Variants in EHHADH observed in about 807,000 individuals in gnomAD.
EHHADH encodes enoyl-CoA hydratase and 3-hydroxyacyl CoA dehydrogenase, also known as peroxisomal bifunctional enzyme.
In EHHADH, 48 loss-of-function variants were observed where a neutral mutation model predicts 64.4. That is an observed-to-expected ratio of 0.75 (90% CI 0.59 to 0.95). The LOEUF (loss-of-function observed/expected upper bound fraction) is 0.95, where lower values mean the gene tolerates loss of function less well. Among genes scored for constraint, EHHADH ranks in the 40% least tolerant of loss-of-function variants. The probability of loss-of-function intolerance (pLI) is 0.00; values close to 1 mark genes in which losing one functional copy is unlikely to be tolerated. For missense variants in EHHADH, 854 were observed against 876.6 expected (o/e 0.97, Z 0.33); for synonymous variants, 308 against 326.7 (o/e 0.94, Z 0.62).
intron 6 of EHHADH, among the ~76,000 whole-genome samples, chr3:185,203,387 AAAAAG>A (rs1718285233): frequency 6.6e-6 from 1 of 152,164 alleles, no homozygotes; most frequent in African/African-American, 2.4e-5. Context: ...AATATAAGAA[AAAAAG>A]AAAAGAAAGA....
intron 5 of EHHADH, among the ~76,000 whole-genome samples, chr3:185,217,002 A>T (rs1718696463): frequency 1.5e-5 from 2 of 135,874 alleles, no homozygotes; most frequent in South Asian, 4.8e-4. Flanking sequence ...TGAGAGAAGG[A>T]CATAACTCAG....
chr3:185,197,210 G>A (rs1718086582), intron 6 of EHHADH, among the ~76,000 whole-genome samples: 1 of 152,060 alleles, frequency 6.6e-6, no homozygotes. Flanking sequence ...ATGTGACAAT[G>A]GTTGCATAAA....
In EHHADH at chr3:185,192,588, T is replaced by A. The variant is rs1218977685; in HGVS notation, c.1810A>T (p.Arg604Ter). The change falls in exon 7 of 7, where the codon AGA becomes TGA. Residue 604 changes from arginine to a stop codon, truncating the protein, a stop_gained. Coordinates refer to ENST00000231887, the MANE Select transcript of EHHADH (RefSeq NM_001966.4). LOFTEE classifies it high-confidence loss of function. ...CGTGGTTCAATGTGATGGGTTTTTC[T>A]ATACCGTGATAGGAATTTGGAAAGC... ...PWLSKFLSRY[R>*]KTHHIEPRTI... 1.9e-6 allele frequency: 3 copies of A among 1,614,246 alleles called. No homozygotes were observed. In the African/African-American group the frequency reaches 4.0e-5, roughly 22 times the overall value.
chr3:185,199,399 G>T (rs1229405853), intron 6 of EHHADH, among the ~76,000 whole-genome samples: 1 of 152,172 alleles, frequency 6.6e-6, no homozygotes. Context: ...GTGATTGGGG[G>T]AAATGTGGGT....
At chr3:185,252,158 T>C (rs184053193) in intron 1 of EHHADH, among the ~76,000 whole-genome samples, 2 of 152,220 alleles carry the variant, frequency 1.3e-5, no homozygotes, top group East Asian at 3.9e-4. Context: ...TCCCAGCACT[T>C]TGGGAGGCCG....
intron 5 of EHHADH, among the ~76,000 whole-genome samples, chr3:185,207,288 A>C (rs546278773): frequency 1.9e-4 from 22 of 114,634 alleles, no homozygotes; most frequent in African/African-American, 8.0e-4. Flanking sequence ...ACCCCATTTC[A>C]AAAAAAAAAA....
chr3:185,193,034 G>T lies in EHHADH; in HGVS notation c.1364C>A (p.Thr455Asn), dbSNP rs756077792. 1 of 1,614,214 alleles carries T rather than the reference G, an allele frequency of 6.2e-7. No homozygotes were observed. The highest frequency in any genetic ancestry group is 8.5e-7 in the Non-Finnish European group (1 of 1,180,052). The stretch of plus-strand genomic sequence containing the variant: ...TGATAAGTTCATAACAGTGGCAATG[G>T]TAGTGGGGGAAGAGTATTGGCTGGG... Reference protein sequence around the residue: ...VIPSQYSSPTTIATVMNLSKK... With the variant: ...VIPSQYSSPTNIATVMNLSKK... Residue 455 changes from threonine to asparagine, a missense_variant, in exon 7 of 7, where the codon ACC becomes AAC. Transcript: ENST00000231887.
rs144429218 is a variant in EHHADH, at chr3:185,218,057, G to A, written c.568+79C>T. On this transcript the variant is annotated intron_variant, in intron 5 of 6. Coordinates refer to ENST00000231887, the MANE Select transcript of EHHADH (RefSeq NM_001966.4). ...TGGGATTACAGGCGTGAGCCACTGCGCCCGGCCAGGAGTTTCTTATTTAAA... is the reference window on the plus strand; with the variant it reads ...TGGGATTACAGGCGTGAGCCACTGCACCCGGCCAGGAGTTTCTTATTTAAA... 139 of 1,058,378 alleles carry A rather than the reference G, an allele frequency of 1.3e-4. 1 individual carries two copies. The highest frequency in any genetic ancestry group is 1.8e-4 in the Non-Finnish European group (132 of 734,462). The allele number at this position is 1,058,378 out of a possible 1,614,324, so 65.6% of individuals were successfully genotyped here. A position where few individuals can be genotyped will look rare whatever the true frequency, so the allele number is the denominator to read the frequency against.
rs1233077390 is a variant in EHHADH at position 185,246,584 on chromosome 3, A to C, written c.178+1830T>G. 5 of 203,016 alleles carry C rather than the reference A, an allele frequency of 2.5e-5. No homozygotes were observed. In the East Asian group the frequency reaches 7.3e-4, roughly 30 times the overall value. The allele number at this position is 203,016 out of a possible 1,614,324, so 12.6% of individuals were successfully genotyped here. A position where few individuals can be genotyped will look rare whatever the true frequency, so the allele number is the denominator to read the frequency against. On this transcript the variant is annotated intron_variant, in intron 2 of 6. Transcript: ENST00000231887. ...AGCCAAAGGGCCATTATCTTTCTTA[A>C]AGGCTACAGTATCTGCAATGATATC... is the stretch of plus-strand genomic sequence containing the variant.
At position 185,193,254 on chromosome 3, in the gene EHHADH, C is replaced by T. The variant is rs369476227; in HGVS notation, c.1144G>A (p.Val382Ile). Residue 382 changes from valine to isoleucine, a missense_variant, in exon 7 of 7, where the codon GTA becomes ATA. Val to Ile is a conservative substitution (Grantham distance 29). Coordinates refer to ENST00000231887, the MANE Select transcript of EHHADH (RefSeq NM_001966.4). ...TTCTTCAGGCTCATTTCCTCAAATA[C>T]TGCTTCAATGACTAAATCTACACCA... ...LGGVDLVIEAVFEEMSLKKQV... is the reference protein window; with the variant it reads ...LGGVDLVIEAIFEEMSLKKQV... The T allele has an allele frequency of 1.9e-6, 3 of 1,601,504 alleles. No homozygotes were observed. The highest frequency in any genetic ancestry group is 2.7e-5 in the African/African-American group (2 of 74,428).
chr3:185,196,322 T>C (rs892419702), intron 6 of EHHADH, among the ~76,000 whole-genome samples: 3 of 152,146 alleles, frequency 2.0e-5, no homozygotes, highest in African/African-American at 7.2e-5. Context: ...AGCCAAAAAA[T>C]AGAAGCAATT....
chr3:185,206,318 C>T (rs763044052), intron 5 of EHHADH, among the ~76,000 whole-genome samples: 1 of 151,232 alleles, frequency 6.6e-6, no homozygotes, highest in Non-Finnish European at 1.5e-5. Flanking sequence ...TTACCTAGCA[C>T]CATATATAAA....
chr3:185,251,633 TG>T (rs1468339476), intron 1 of EHHADH, among the ~76,000 whole-genome samples: 2 of 151,876 alleles, frequency 1.3e-5, no homozygotes, highest in East Asian at 3.9e-4. Context: ...TGTGTGTGTG[TG>T]TGTGTATTAC....
intron 6 of EHHADH, among the ~76,000 whole-genome samples, chr3:185,195,621 T>C (rs979293736): frequency 1.3e-5 from 2 of 152,166 alleles, no homozygotes; most frequent in Non-Finnish European, 2.9e-5. Context: ...AATCACACAC[T>C]TGCAACAACA....
intron 4 of EHHADH, among the ~76,000 whole-genome samples, chr3:185,223,032 T>C (rs1480786826): frequency 6.6e-6 from 1 of 152,242 alleles, no homozygotes; most frequent in Non-Finnish European, 1.5e-5. Flanking sequence ...CTTGTTAAAG[T>C]ACAATCTCTG....
chr3:185,227,275 G>A (rs1719002024), intron 4 of EHHADH, among the ~76,000 whole-genome samples: 1 of 152,252 alleles, frequency 6.6e-6, no homozygotes, highest in African/African-American at 2.4e-5. Flanking sequence ...GCTCACGCCT[G>A]TAATCCCAGC....
intron 2 of EHHADH, among the ~76,000 whole-genome samples, chr3:185,236,205 G>C (rs772811357): frequency 4.5e-4 from 68 of 152,144 alleles, no homozygotes; most frequent in Non-Finnish European, 7.1e-4. Context: ...TACAACCTGA[G>C]CTCTGCCTTC....
chr3:185,222,396 T>G (rs193218166), intron 4 of EHHADH, among the ~76,000 whole-genome samples: 48 of 152,052 alleles, frequency 3.2e-4, no homozygotes, highest in African/African-American at 1.1e-3. Flanking sequence ...AAAATAAAAA[T>G]AAAAAAAGAA....
intron 6 of EHHADH, among the ~76,000 whole-genome samples, chr3:185,197,479 C>A (rs1411411078): frequency 6.6e-6 from 1 of 152,140 alleles, no homozygotes; most frequent in Non-Finnish European, 1.5e-5. Flanking sequence ...CCCTGGCCAA[C>A]CATTCTATTT....
Sources: allele counts gnomAD v4.1 joint callset (sites outside exome capture counted in the v4.1 genomes callset), GRCh38; gene constraint gnomAD v4.1.1; transcripts MANE v1.5; gene names NCBI Gene and HGNC (gene_info 2026-07-23, HGNC 2026-07-21).